ESPNL: variants seen among roughly 807,000 people sequenced by gnomAD.
ESPNL encodes espin like, also known as espin-like protein.
ESPNL carries 49 observed loss-of-function variants against 46.8 expected under a neutral mutation model. That is an observed-to-expected ratio of 1.05 (90% CI 0.83 to 1.33). The LOEUF (loss-of-function observed/expected upper bound fraction) is 1.33. Among genes scored for constraint, ESPNL ranks in the 40% most tolerant of loss-of-function variants. ESPNL has a pLI of 0.00. For missense variants in ESPNL, 1,540 were observed against 1,436.6 expected (o/e 1.07, Z -1.16); for synonymous variants, 664 against 662.1 (o/e 1.00, Z -0.04).
chr2:238,126,947 CTGT>C (rs1559267088), intron 6 of ESPNL, among the ~76,000 whole-genome samples: 10 of 149,800 alleles, frequency 6.7e-5, no homozygotes, highest in Non-Finnish European at 1.2e-4. Flanking sequence ...GTGTGTGTCA[CTGT>C]TATTGTGTGT....
Position 238,130,207 on chromosome 2 carries a change from T to A in ESPNL, c.1493T>A (p.Phe498Tyr), listed in dbSNP as rs372145864. Residue 498 changes from phenylalanine to tyrosine, a missense_variant, in exon 9 of 9, where the codon TTT (phenylalanine) becomes TAT (tyrosine). Phe to Tyr is a conservative substitution (Grantham distance 22, BLOSUM62 3). Transcript: ENST00000343063. ...ACTCATCAGGCCATCCTGGGGCCCT[T>A]TGGGGAGCTGCTGACAGAGGATGAC... ...SQTHQAILGP[F>Y]GELLTEDDLV... 6.2e-7 allele frequency: 1 copy of A among 1,612,204 alleles called. No homozygotes were observed. The highest frequency in any genetic ancestry group is 1.3e-5 in the African/African-American group (1 of 74,900).
At position 238,114,441 on chromosome 2, in the gene ESPNL, G is replaced by A. The variant is rs1006760584; in HGVS notation, c.856-2462G>A. ...CTCCACCCACCCACACACCCACCGC[G>A]CCCTGGCAAACCTTTGCCATTCCCC... is the stretch of plus-strand genomic sequence containing the variant. On this transcript the variant is annotated intron_variant, in intron 4 of 8. Transcript: ENST00000343063. This position sits in a 1 kb window ranked among gnomAD's most constrained non-coding sequence, Gnocchi z 5.0. Among the ~76,000 whole-genome samples, 6 of 151,930 alleles carry A rather than the reference G, an allele frequency of 3.9e-5. No individual in the cohort carries two copies. The highest frequency in any genetic ancestry group is 6.6e-5 in the Admixed American group (1 of 15,254).
In ESPNL at chr2:238,100,551, C is replaced by A; in HGVS notation, c.132C>A (p.Thr44=). The A allele has an allele frequency of 6.3e-7, 1 of 1,590,980 alleles. No homozygotes were observed. The change falls in exon 1 of 9, where the codon ACC becomes ACA. Residue 44 remains threonine (T), a synonymous_variant. Transcript: ENST00000343063. ...GGGCCGGCCTGGTTCACCACGCCAC[C>A]CGGGCTGGCCACCTGGACTGCGTCA... ...ALGAGLVHHA[T]RAGHLDCVKF...
At chr2:238,106,845 C>T (rs1052081965) in intron 3 of ESPNL, among the ~76,000 whole-genome samples, 4 of 152,128 alleles carry the variant, frequency 2.6e-5, no homozygotes, top group Non-Finnish European at 5.9e-5. Context: ...ACTCCAGATG[C>T]GAAGGAGCCC....
At chr2:238,127,523 CAGG>C (rs1692166734) in intron 6 of ESPNL, 96 bp from the exon 7 acceptor site, 1 of 1,457,642 alleles carries the variant, frequency 6.9e-7, no homozygotes, top group Non-Finnish European at 9.1e-7. Flanking sequence ...GCAGATCGTT[CAGG>C]AGGTCAGCTC....
At chr2:238,113,115 G>T (rs746701694) in intron 4 of ESPNL, among the ~76,000 whole-genome samples, 24 of 152,116 alleles carry the variant, frequency 1.6e-4, no homozygotes, top group Admixed American at 1.4e-3. Flanking sequence ...GTCACCGTTT[G>T]TTTTATATAT....
rs551566330 is a variant in ESPNL at position 238,100,646 on chromosome 2, A to T, written c.227A>T (p.Asp76Val). The T allele has an allele frequency of 1.2e-5, 17 of 1,449,844 alleles. No individual in the cohort carries two copies. The highest frequency in any genetic ancestry group is 4.7e-4 in the Middle Eastern group (2 of 4,280). 89.8% of individuals were successfully genotyped at this position (1,449,844 alleles called of 1,614,324 possible). A position where few individuals can be genotyped will look rare whatever the true frequency, so the allele number is the denominator to read the frequency against. The change falls in exon 1 of 9, where the codon GAC becomes GTC. Residue 76 changes from aspartate (D) to valine (V), a missense_variant. Transcript: ENST00000343063. Reference sequence around the variant, plus strand: ...CACAACGGGGCCACCCCAGCGCATGACGCCGCTGCCACGGGCAGCCTGGCC... The same window carrying T: ...CACAACGGGGCCACCCCAGCGCATGTCGCCGCTGCCACGGGCAGCCTGGCC... ...RAHNGATPAH[D>V]AAATGSLAEL... is the part of the protein sequence containing the mutation.
chr2:238,112,535 C>T (rs1484868227), intron 4 of ESPNL, among the ~76,000 whole-genome samples: 1 of 152,098 alleles, frequency 6.6e-6, no homozygotes. Context: ...TTAATTTCTG[C>T]ATTTATCTTT....
In ESPNL at chr2:238,100,521, T is replaced by C. The variant is rs1252432499; in HGVS notation, c.102T>C (p.Ala34=). The C allele has an allele frequency of 6.3e-7, 1 of 1,596,384 alleles. No individual in the cohort carries two copies. Among genetic ancestry groups the C allele is most frequent in the African/African-American group, 1.3e-5 (1 of 74,588 alleles). ...CCCTGGGCCCGGGCATCACCGATGC[T>C]CTGGGGGCCGGCCTGGTTCACCACG... is the stretch of plus-strand genomic sequence containing the variant. ...AGALGPGITD[A]LGAGLVHHAT... The change falls in exon 1 of 9, where the codon GCT becomes GCC. Residue 34 remains alanine (A), a synonymous_variant. Transcript: ENST00000343063.
chr2:238,121,662 T>C (rs1691989995), intron 5 of ESPNL, among the ~76,000 whole-genome samples: 1 of 152,202 alleles, frequency 6.6e-6, no homozygotes, highest in Admixed American at 6.5e-5. Context: ...CCTCCCAAAG[T>C]GCTGGGACTA....
chr2:238,127,321 T>G, intron 6 of ESPNL: 2 of 1,197,230 alleles, frequency 1.7e-6, no homozygotes, highest in Non-Finnish European at 2.1e-6. Context: ...CCTGCAGAGC[T>G]GCGTTAGGGG....
At chr2:238,126,863 G>A (rs541415380) in intron 6 of ESPNL, among the ~76,000 whole-genome samples, 2 of 150,126 alleles carry the variant, frequency 1.3e-5, no homozygotes, top group African/African-American at 2.5e-5. Flanking sequence ...TTGTGTCTGC[G>A]TGTGTGATTG....
chr2:238,120,171 CTGCTGGCTTCTGCCACAGAAGA>C (rs1472238846), intron 5 of ESPNL, among the ~76,000 whole-genome samples: 2 of 152,184 alleles, frequency 1.3e-5, no homozygotes, highest in Non-Finnish European at 2.9e-5. Context: ...TGGTGGCGCT[CTGCTGGCTTCTGCCACAGAAGA>C]TGGTGCTCCA....
chr2:238,100,525 G>T lies in ESPNL; in HGVS notation c.106G>T (p.Gly36Trp), dbSNP rs1295151471. 6.3e-7 allele frequency: 1 copy of T among 1,596,108 alleles called. No homozygotes were observed. The highest frequency in any genetic ancestry group is 8.5e-7 in the Non-Finnish European group (1 of 1,174,000). Residue 36 changes from glycine (G) to tryptophan (W), a missense_variant, in exon 1 of 9, where the codon GGG becomes TGG. Physicochemically the swap from Gly to Trp is radical, Grantham distance 184 (BLOSUM62 -2). Coordinates refer to ENST00000343063, the MANE Select transcript of ESPNL (RefSeq NM_194312.4). ...GGGCCCGGGCATCACCGATGCTCTG[G>T]GGGCCGGCCTGGTTCACCACGCCAC... ...ALGPGITDAL[G>W]AGLVHHATRA...
In ESPNL at chr2:238,104,765, C is replaced by A; in HGVS notation, c.595C>A (p.His199Asn). 6.2e-7 allele frequency: 1 copy of A among 1,603,434 alleles called. No homozygotes were observed. Among genetic ancestry groups the A allele is most frequent in the Non-Finnish European group, 8.5e-7 (1 of 1,176,564 alleles). The change falls in exon 3 of 9, where the codon CAC (histidine) becomes AAC (asparagine). Residue 199 changes from histidine (H) to asparagine (N), a missense_variant. By Grantham distance (68) the His-to-Asn change is moderately conservative. Transcript: ENST00000343063. ...GGTGAAGGACTGTGGCGCTGACGTG[C>A]ACCTTCGTGCTCTCGATGGCATGAG... is the stretch of plus-strand genomic sequence containing the variant. ...FLVKDCGADVHLRALDGMSAL... is the reference protein window; with the variant it reads ...FLVKDCGADVNLRALDGMSAL...
At chr2:238,105,470 G>A (rs60512353) in intron 3 of ESPNL, among the ~76,000 whole-genome samples, 46,288 of 146,146 alleles carry the variant, frequency 0.32, 9,250 homozygotes, top group Non-Finnish European at 0.43. Context: ...CCAAGATCAC[G>A]CCACTGAACT....
intron 5 of ESPNL, among the ~76,000 whole-genome samples, chr2:238,119,157 G>A (rs1401461558): frequency 1.5e-5 from 2 of 130,828 alleles, no homozygotes. Flanking sequence ...AATGGATGGA[G>A]GAGGGGAGAT....
chr2:238,119,343 GT>G (rs1157211386), intron 5 of ESPNL, among the ~76,000 whole-genome samples: 4 of 149,000 alleles, frequency 2.7e-5, no homozygotes, highest in African/African-American at 4.9e-5. Flanking sequence ...ATGGAGGAGG[GT>G]GAATGGAGGA....
Position 238,130,781 on chromosome 2 carries a change from A to C in ESPNL, c.2067A>C (p.Pro689=). The C allele has an allele frequency of 6.5e-7, 1 of 1,546,002 alleles. No homozygotes were observed. Among genetic ancestry groups the C allele is most frequent in the South Asian group, 1.2e-5 (1 of 84,742 alleles). ...GGCAGTGCCTGAGTGGCTGCTGGCC[A>C]GCCCTGCCTAAGCCCCGCAGTGGCC... ...QHRQCLSGCW[P]ALPKPRSGLA... Residue 689 remains proline, a synonymous_variant, in exon 9 of 9, where the codon CCA becomes CCC. Transcript: ENST00000343063.
Sources: gnomAD v4.1 joint callset for allele counts (sites outside exome capture counted in the v4.1 genomes callset) on GRCh38, gnomAD v4.1.1 for gene constraint, Gnocchi (gnomAD v3.1) non-coding constraint, MANE v1.5 for transcripts, NCBI Gene and HGNC (gene_info 2026-07-23, HGNC 2026-07-21) for gene names.